The following MRPL39 variants were observed in gnomAD, a reference collection of about 807,000 sequenced individuals.
MRPL39 encodes the protein large ribosomal subunit protein mL39.
A neutral mutation model predicts 44.5 loss-of-function variants in MRPL39; 35 were observed. That is an observed-to-expected ratio of 0.79 (90% CI 0.60 to 1.04). The LOEUF is 1.04. Ranked by LOEUF, MRPL39 falls within the 50% of genes least tolerant of loss-of-function variation. The probability of loss-of-function intolerance (pLI) is 0.00; values close to 1 mark genes in which losing one functional copy is unlikely to be tolerated. For missense variants in MRPL39, 433 were observed against 413.5 expected (o/e 1.05, Z -0.41); for synonymous variants, 139 against 136.1 (o/e 1.02, Z -0.15).
At position 25,606,482 on chromosome 21, in the gene MRPL39, T is replaced by C. The variant is rs773677336; in HGVS notation, c.247A>G (p.Lys83Glu). The C allele has an allele frequency of 3.7e-6, 6 of 1,612,004 alleles. No homozygotes were observed. Among genetic ancestry groups the C allele is most frequent in the African/African-American group, 2.7e-5 (2 of 74,790 alleles). ...TDPGTVFVMNKNISTPYSCAM... is the reference protein window; with the variant it reads ...TDPGTVFVMNENISTPYSCAM... ...CAACTGTAGGGAGTTGAAATGTTTT[T>C]ATTCATCACGAAGACAGTACCGGGG... Residue 83 changes from lysine (K) to glutamate (E), a missense_variant, in exon 2 of 10, where the codon AAA (lysine) becomes GAA (glutamate). Physicochemically the swap from Lys to Glu is moderately conservative, Grantham distance 56 (BLOSUM62 1). Transcript: ENST00000352957.
rs1339243844 is a variant in MRPL39, at chr21:25,593,162, G to A, written c.768-197C>T. Reference sequence around the variant, plus strand: ...TAAAACTTTGAAAATTAAATCAAATGAACCATTTTCTTAATTAGCATTGAT... The same window carrying A: ...TAAAACTTTGAAAATTAAATCAAATAAACCATTTTCTTAATTAGCATTGAT... On this transcript the variant is annotated intron_variant, in intron 7 of 9. Transcript: ENST00000352957. Among the ~76,000 whole-genome samples the A allele has an allele frequency of 2.6e-5, 4 of 152,102 alleles. No individual in the cohort carries two copies. The East Asian group carries it at 7.7e-4, about 29-fold the overall frequency.
intron 2 of MRPL39, among the ~76,000 whole-genome samples, chr21:25,605,628 C>A (rs1474654310): frequency 1.3e-5 from 2 of 152,072 alleles, no homozygotes; most frequent in Admixed American, 6.6e-5. Flanking sequence ...CACATCACAG[C>A]CCTAGCTAAA....
chr21:25,597,436 C>T lies in MRPL39; in HGVS notation c.589-22G>A, dbSNP rs373521860. The T allele has an allele frequency of 9.0e-6, 12 of 1,339,152 alleles. No homozygotes were observed. In the South Asian group the frequency reaches 1.5e-4, roughly 17 times the overall value. The allele number at this position is 1,339,152 out of a possible 1,614,324, so 83.0% of individuals were successfully genotyped here. On this transcript the variant is annotated intron_variant, in intron 5 of 9. Coordinates refer to ENST00000352957, the MANE Select transcript of MRPL39 (RefSeq NM_017446.4). ...TCTCCTTAAAAATGAAAGTAATAAC[C>T]TTTAGTAACAATTCACTGAAAAGCA... is the stretch of plus-strand genomic sequence containing the variant.
At chr21:25,607,602 G>A, upstream of MRPL39, 1 of 925,690 alleles carries the variant, frequency 1.1e-6, no homozygotes, top group Non-Finnish European at 1.6e-6. Flanking sequence ...CGCCTCCACC[G>A]GGGGGCGTCA....
At chr21:25,603,175 G>A (rs189677395) in intron 3 of MRPL39, among the ~76,000 whole-genome samples, 10 of 152,126 alleles carry the variant, frequency 6.6e-5, no homozygotes, top group Admixed American at 1.3e-4. Context: ...CTTTATAGCC[G>A]TGTGAAAACG....
intron 5 of MRPL39, among the ~76,000 whole-genome samples, chr21:25,598,850 T>C (rs1348651573): frequency 1.4e-5 from 1 of 69,260 alleles, no homozygotes; most frequent in African/African-American, 4.2e-5. Context: ...GATGTATTAC[T>C]AAGGGGAAAA....
chr21:25,591,725 G>C (rs2031185205), intron 8 of MRPL39, among the ~76,000 whole-genome samples: 1 of 151,936 alleles, frequency 6.6e-6, no homozygotes, highest in African/African-American at 2.4e-5. Context: ...CACATTGCCA[G>C]TGGGAATGTA....
At chr21:25,587,859 G>T in intron 9 of MRPL39, 1 of 1,171,294 alleles carries the variant, frequency 8.5e-7, no homozygotes, top group Non-Finnish European at 1.3e-6. Context: ...TGCTTAATGT[G>T]CCTGCAAGCT....
chr21:25,592,205 G>A (rs947188963), intron 8 of MRPL39, among the ~76,000 whole-genome samples: 1 of 152,160 alleles, frequency 6.6e-6, no homozygotes, highest in East Asian at 1.9e-4. Context: ...GTAAATGCGT[G>A]TGTCTATAAA....
At chr21:25,590,434 C>A (rs2123227084) in intron 8 of MRPL39, among the ~76,000 whole-genome samples, 1 of 151,032 alleles carries the variant, frequency 6.6e-6, no homozygotes, top group Non-Finnish European at 1.5e-5. Flanking sequence ...AGAAAGTTTA[C>A]AAATTTGTGT....
chr21:25,607,317 A>G, intron 1 of MRPL39, 86 bp downstream of exon 1: 2 of 1,462,996 alleles, frequency 1.4e-6, no homozygotes, highest in South Asian at 2.3e-5. Flanking sequence ...GCCCCGCGGG[A>G]CCTCCCCGGC....
intron 6 of MRPL39, among the ~76,000 whole-genome samples, chr21:25,595,156 G>A (rs2031317729): frequency 6.6e-6 from 1 of 152,214 alleles, no homozygotes; most frequent in African/African-American, 2.4e-5. Flanking sequence ...CAAGTAATAT[G>A]TGTAGGTGCA....
Position 25,599,860 on chromosome 21 carries a change from GA to G in MRPL39, c.526del (p.Ser176LeufsTer8), listed in dbSNP as rs746607851. The G allele has an allele frequency of 2.6e-4, 424 of 1,613,072 alleles. No individual in the cohort carries two copies. Among genetic ancestry groups the G allele is most frequent in the Non-Finnish European group, 3.5e-4 (411 of 1,179,470 alleles). The stretch of plus-strand genomic sequence containing the variant: ...AACTACGTCATAACAGAAGGCACCA[GA>G]AATTACTGTAAATCCAACCAAAATA... ...LVRAPEVPVI[S>X]GAFCYDVVLD... is the part of the protein sequence containing the mutation. On this transcript the variant is annotated frameshift_variant, in exon 5 of 10. Coordinates refer to ENST00000352957, the MANE Select transcript of MRPL39 (RefSeq NM_017446.4). LOFTEE classifies it high-confidence loss of function.
chr21:25,593,662 T>C (rs2031251599), intron 7 of MRPL39, among the ~76,000 whole-genome samples: 1 of 152,106 alleles, frequency 6.6e-6, no homozygotes, highest in Non-Finnish European at 1.5e-5. Flanking sequence ...CAAAATTAAA[T>C]AAAAATAGCA....
intron 8 of MRPL39, among the ~76,000 whole-genome samples, chr21:25,590,457 C>T (rs993730027): frequency 2.0e-5 from 3 of 151,948 alleles, no homozygotes; most frequent in Non-Finnish European, 2.9e-5. Flanking sequence ...CATTCAAAGC[C>T]GTCCTGGACT....
intron 9 of MRPL39, chr21:25,587,798 A>C: frequency 1.3e-6 from 2 of 1,591,422 alleles, no homozygotes; most frequent in East Asian, 2.2e-5. Context: ...GTCTAGAAAG[A>C]AAAACTATCA....
At chr21:25,588,942 C>G (rs2031088565) in intron 8 of MRPL39, 60 bp from the exon 9 acceptor site, 1 of 1,402,816 alleles carries the variant, frequency 7.1e-7, no homozygotes. Context: ...GTAAAAAGGA[C>G]AGAGTCTTTA....
chr21:25,588,769 T>G, intron 9 of MRPL39, 66 bp downstream of exon 9: 1 of 1,409,118 alleles, frequency 7.1e-7, no homozygotes, highest in Admixed American at 1.9e-5. Flanking sequence ...CCCCTTTGGT[T>G]GTTATTGGTT....
intron 2 of MRPL39, among the ~76,000 whole-genome samples, chr21:25,605,034 G>C (rs2031623409): frequency 6.6e-6 from 1 of 152,192 alleles, no homozygotes; most frequent in African/African-American, 2.4e-5. Context: ...AGAAATACTT[G>C]AAAACCAAAT....
Sources: allele counts gnomAD v4.1 joint callset (sites outside exome capture counted in the v4.1 genomes callset), GRCh38; gene constraint gnomAD v4.1.1; transcripts MANE v1.5; gene names NCBI Gene and HGNC (gene_info 2026-07-23, HGNC 2026-07-21).